PITPNM2: variants seen among roughly 807,000 people sequenced by gnomAD.
The protein encoded by PITPNM2 is phosphatidylinositol transfer protein membrane associated 2, also known as membrane-associated phosphatidylinositol transfer protein 2.
A neutral mutation model predicts 132.2 loss-of-function variants in PITPNM2; 35 were observed. The ratio of observed to expected loss-of-function variants is 0.26; its 90% CI spans 0.20 to 0.35. The LOEUF (loss-of-function observed/expected upper bound fraction) is 0.35. PITPNM2 is among the 10% of genes least tolerant of loss of function. The pLI is 1.00. For synonymous variants in PITPNM2, 738 were observed against 799.2 expected (o/e 0.92, Z 1.29); for missense variants, 1,332 against 1,912.0 (o/e 0.70, Z 5.66).
At chr12:123,109,743 C>T (rs1566297574) in intron 2 of PITPNM2, among the ~76,000 whole-genome samples, 1 of 152,078 alleles carries the variant, frequency 6.6e-6, no homozygotes, top group African/African-American at 2.4e-5. Flanking sequence ...GCCTCAAGAG[C>T]AAACAGAAAA....
chr12:123,123,881 A>G (rs2043080001), intron 1 of PITPNM2, among the ~76,000 whole-genome samples: 1 of 151,314 alleles, frequency 6.6e-6, no homozygotes, highest in African/African-American at 2.4e-5. Context: ...GGTTGTAGTG[A>G]GTGGAGATCG....
At chr12:123,012,864 G>A (rs983946684) in intron 4 of PITPNM2, 130 bp from the exon 5 acceptor site, 27 of 1,233,098 alleles carry the variant, frequency 2.2e-5, no homozygotes, top group East Asian at 9.5e-5. Context: ...GAGGGTAGCC[G>A]AGACTTGCCT....
At chr12:123,030,773 T>C (rs1566257226) in intron 3 of PITPNM2, among the ~76,000 whole-genome samples, 1 of 151,774 alleles carries the variant, frequency 6.6e-6, no homozygotes, top group Non-Finnish European at 1.5e-5. Context: ...ATAAGCAAAA[T>C]GTGGTCTGTT....
Position 123,000,722 on chromosome 12 carries a change from A to C in PITPNM2, c.1224+56T>G, listed in dbSNP as rs1594133993. 3.2e-6 allele frequency: 5 copies of C among 1,573,162 alleles called. No homozygotes were observed. The highest frequency in any genetic ancestry group is 1.7e-5 in the Admixed American group (1 of 57,976). On this transcript the variant is annotated intron_variant, in intron 10 of 25. Transcript: ENST00000320201. This position sits in a 1 kb window ranked among gnomAD's most constrained non-coding sequence, Gnocchi z 5.4. ...GTAACCCCTCAGACTATTCCTCTGC[A>C]CCCTGCCCCTCCCTTGGCGGCCATG... is the stretch of plus-strand genomic sequence containing the variant.
intron 2 of PITPNM2, 63 bp from the exon 3 acceptor site, chr12:123,034,748 C>T (rs2136463767): frequency 3.1e-6 from 2 of 655,170 alleles, no homozygotes; most frequent in East Asian, 2.7e-5. Context: ...AATACCATAG[C>T]ACAGAGGAAA....
In PITPNM2 at chr12:123,064,462, A is replaced by C. The variant is rs1232673011; in HGVS notation, c.-95-29777T>G. 1.3e-5 allele frequency among the ~76,000 whole-genome samples: 2 copies of C among 152,178 alleles called. No individual in the cohort carries two copies. The highest frequency in any genetic ancestry group is 4.8e-5 in the African/African-American group (2 of 41,454). ...GGCTGGGGGTGGCACAGGGCAGGGG[A>C]GCTGAGGGGAGTAGGGAACCAAGAC... On this transcript the variant is annotated intron_variant, in intron 2 of 25. Coordinates refer to ENST00000320201, the MANE Select transcript of PITPNM2 (RefSeq NM_020845.3). The surrounding 1 kb of genome is among the most constrained non-coding windows in gnomAD (Gnocchi z 4.0).
chr12:123,142,978 T>C (rs2043537707), intron 1 of PITPNM2, among the ~76,000 whole-genome samples: 1 of 152,056 alleles, frequency 6.6e-6, no homozygotes, highest in African/African-American at 2.4e-5. Context: ...AATGTCCTCC[T>C]GTTCTCCAGA....
chr12:123,038,778 G>A (rs1445498710), intron 2 of PITPNM2, among the ~76,000 whole-genome samples: 1 of 151,654 alleles, frequency 6.6e-6, no homozygotes, highest in African/African-American at 2.4e-5. Context: ...TGAGTTTAGG[G>A]GCTTAGACAT....
chr12:123,145,483 C>T (rs147307826), intron 1 of PITPNM2, among the ~76,000 whole-genome samples: 7 of 152,294 alleles, frequency 4.6e-5, no homozygotes, highest in Non-Finnish European at 1.0e-4. Context: ...ATCTTTCTGA[C>T]TAGCCAGGTC....
chr12:123,003,189 G>A lies in PITPNM2; in HGVS notation c.1048+1205C>T, dbSNP rs200129879. On this transcript the variant is annotated intron_variant, in intron 8 of 25. Coordinates refer to ENST00000320201, the MANE Select transcript of PITPNM2 (RefSeq NM_020845.3). ...CATAAGAAGTGCTGCTATGAACACC[G>A]CCTCCAAGACTCCTCCTCCTGCTCC... Among the ~76,000 whole-genome samples the A allele has an allele frequency of 2.7e-4, 41 of 152,176 alleles. 2 individuals are homozygous for A. The East Asian group carries it at 7.7e-3, about 29-fold the overall frequency.
chr12:123,133,811 CACAG>C (rs1396031866), intron 1 of PITPNM2, among the ~76,000 whole-genome samples: 4,041 of 112,390 alleles, frequency 0.036, 200 homozygotes, highest in African/African-American at 0.097. Flanking sequence ...CACACACACA[CACAG>C]ACACACACAC....
At chr12:123,055,924 TGTTA>T (rs1566270062) in intron 2 of PITPNM2, among the ~76,000 whole-genome samples, 62 of 152,054 alleles carry the variant, frequency 4.1e-4, no homozygotes, top group African/African-American at 1.4e-3. Flanking sequence ...ACTTGCAAGA[TGTTA>T]GTGAAAGCAC....
chr12:123,006,075 C>G (rs1208848909), intron 6 of PITPNM2: 1 of 152,380 alleles, frequency 6.6e-6, no homozygotes, highest in Non-Finnish European at 1.5e-5. Flanking sequence ...TGTGCCACTG[C>G]ACTCCAGCCT....
intron 3 of PITPNM2, among the ~76,000 whole-genome samples, chr12:123,032,004 C>A (rs1310482111): frequency 6.6e-6 from 1 of 152,160 alleles, no homozygotes; most frequent in Non-Finnish European, 1.5e-5. Context: ...ATCTGCAAGG[C>A]GGGAGATGTT....
At chr12:123,096,804 G>T (rs1221552493) in intron 2 of PITPNM2, among the ~76,000 whole-genome samples, 1 of 152,188 alleles carries the variant, frequency 6.6e-6, no homozygotes. Flanking sequence ...CAGGAAGGTG[G>T]CTTGTGGAAG....
chr12:123,039,977 C>A (rs1033182670), intron 2 of PITPNM2, among the ~76,000 whole-genome samples: 3 of 152,026 alleles, frequency 2.0e-5, no homozygotes, highest in Non-Finnish European at 4.4e-5. Context: ...ACAAAAAATA[C>A]AAAAGTTAGC....
At chr12:123,060,603 G>A (rs894160479) in intron 2 of PITPNM2, among the ~76,000 whole-genome samples, 1 of 152,188 alleles carries the variant, frequency 6.6e-6, no homozygotes, top group South Asian at 2.1e-4. Flanking sequence ...ATAAACAAGC[G>A]ATTCTGTCAA....
At chr12:123,128,476 A>G (rs2043195010) in intron 1 of PITPNM2, among the ~76,000 whole-genome samples, 1 of 144,246 alleles carries the variant, frequency 6.9e-6, no homozygotes, top group Non-Finnish European at 1.5e-5. Context: ...GTGGGGGGGC[A>G]GGCGCAGTGG....
chr12:123,020,268 G>A (rs938093708), intron 3 of PITPNM2, among the ~76,000 whole-genome samples: 5 of 151,720 alleles, frequency 3.3e-5, no homozygotes, highest in Admixed American at 6.6e-5. Flanking sequence ...TTATAGTCAC[G>A]CGCCACCACA....
Sources: allele counts gnomAD v4.1 joint callset (sites outside exome capture counted in the v4.1 genomes callset), GRCh38; gene constraint gnomAD v4.1.1; non-coding constraint Gnocchi (gnomAD v3.1); transcripts MANE v1.5; gene names NCBI Gene and HGNC (gene_info 2026-07-23, HGNC 2026-07-21).